Variants in EYA4 observed in about 807,000 individuals in gnomAD.
The protein encoded by EYA4 is protein phosphatase EYA4.
Under a neutral mutation model 87.9 loss-of-function variants are expected in EYA4, and 31 were observed. The observed-to-expected ratio is 0.35, with a 90% CI of 0.27 to 0.48. The LOEUF is 0.48. Among genes scored for constraint, EYA4 ranks in the 20% least tolerant of loss-of-function variants. The pLI is 0.99. For missense variants in EYA4, 678 were observed against 761.4 expected (o/e 0.89, Z 1.29); for synonymous variants, 263 against 270.6 (o/e 0.97, Z 0.28).
intron 5 of EYA4, among the ~76,000 whole-genome samples, chr6:133,449,142 C>G (rs1173824908): frequency 1.3e-5 from 2 of 152,136 alleles, no homozygotes; most frequent in African/African-American, 4.8e-5. Context: ...GTCTTTTTCT[C>G]TAAAGGGCCA....
chr6:133,245,917 G>T (rs926891602), intron 1 of EYA4, among the ~76,000 whole-genome samples: 1 of 152,068 alleles, frequency 6.6e-6, no homozygotes, highest in African/African-American at 2.4e-5. Context: ...GTCATTTTAC[G>T]CTTGAAATTT....
intron 2 of EYA4, among the ~76,000 whole-genome samples, chr6:133,374,213 A>G (rs187628043): frequency 7.9e-5 from 12 of 152,184 alleles, no homozygotes; most frequent in Admixed American, 7.9e-4. Flanking sequence ...AATATATTCA[A>G]CCTTGCTATG....
At position 133,439,972 on chromosome 6, in the gene EYA4, T is replaced by C. The variant is rs367950321; in HGVS notation, c.84-6658T>C. Among the ~76,000 whole-genome samples, 3 of 152,218 alleles carry C rather than the reference T, an allele frequency of 2.0e-5. No homozygotes were observed. In the East Asian group the frequency reaches 5.8e-4, roughly 29 times the overall value. ...TTTTGAATGTGCAGGGTTTGGACGA[T>C]ACACTTTTTACTGCACAAGGGCTAA... is the stretch of plus-strand genomic sequence containing the variant. On this transcript the variant is annotated intron_variant, in intron 3 of 19. Transcript: ENST00000355286.
intron 1 of EYA4, chr6:133,248,654 A>G (rs761687499): frequency 6.6e-6 from 1 of 152,224 alleles, no homozygotes; most frequent in Non-Finnish European, 1.5e-5. Flanking sequence ...TCTCTACATT[A>G]CCTAATTCTT....
At chr6:133,445,591 T>TC (rs1033466540) in intron 3 of EYA4, among the ~76,000 whole-genome samples, 1 of 151,232 alleles carries the variant, frequency 6.6e-6, no homozygotes, top group Non-Finnish European at 1.5e-5. Context: ...TTTTTTTTTT[T>TC]CTTTTGAAAC....
chr6:133,251,365 A>G (rs1036797814), intron 1 of EYA4, among the ~76,000 whole-genome samples: 12 of 152,304 alleles, frequency 7.9e-5, no homozygotes, highest in East Asian at 1.9e-4. Flanking sequence ...ACATATTGCT[A>G]TGATTCTTAC....
chr6:133,267,538 A>G (rs958079653), intron 1 of EYA4, among the ~76,000 whole-genome samples: 1 of 151,980 alleles, frequency 6.6e-6, no homozygotes, highest in Non-Finnish European at 1.5e-5. Context: ...GCCCGCCACC[A>G]TGCCCGGCTA....
chr6:133,315,026 C>A (rs1485837003), intron 2 of EYA4, among the ~76,000 whole-genome samples: 2 of 152,112 alleles, frequency 1.3e-5, no homozygotes, highest in Non-Finnish European at 2.9e-5. Flanking sequence ...TGTTGCGTCT[C>A]CCCAGCTACC....
chr6:133,286,329 G>A (rs1213856450), intron 2 of EYA4, among the ~76,000 whole-genome samples: 1 of 152,170 alleles, frequency 6.6e-6, no homozygotes, highest in African/African-American at 2.4e-5. Context: ...TGGGAACTCA[G>A]GGAAATGAGT....
At chr6:133,269,126 G>T (rs1373561287) in intron 1 of EYA4, among the ~76,000 whole-genome samples, 1 of 152,140 alleles carries the variant, frequency 6.6e-6, no homozygotes, top group Non-Finnish European at 1.5e-5. Flanking sequence ...AGGCGTGGTG[G>T]CACGCTCCTG....
chr6:133,482,758 G>GTATC (rs1201681739), intron 12 of EYA4, among the ~76,000 whole-genome samples: 2 of 152,098 alleles, frequency 1.3e-5, no homozygotes, highest in African/African-American at 4.8e-5. Flanking sequence ...AAGTCTGAAT[G>GTATC]TATCTCTTTT....
intron 5 of EYA4, among the ~76,000 whole-genome samples, chr6:133,449,738 T>C (rs1444680054): frequency 6.6e-6 from 1 of 152,220 alleles, no homozygotes; most frequent in African/African-American, 2.4e-5. Flanking sequence ...ATAAATTGCT[T>C]AACAATAAAT....
At chr6:133,373,548 A>G (rs1785441822) in intron 2 of EYA4, among the ~76,000 whole-genome samples, 1 of 152,088 alleles carries the variant, frequency 6.6e-6, no homozygotes, top group African/African-American at 2.4e-5. Flanking sequence ...CACAGTAGTC[A>G]GCAATTTTAA....
At chr6:133,499,000 G>A (rs567616456) in intron 13 of EYA4, among the ~76,000 whole-genome samples, 3 of 152,320 alleles carry the variant, frequency 2.0e-5, no homozygotes, top group Admixed American at 2.0e-4. Flanking sequence ...AAAGGGGAAA[G>A]ATCTTGAAAG....
At chr6:133,414,714 C>G (rs79538173) in intron 3 of EYA4, among the ~76,000 whole-genome samples, 1 of 152,192 alleles carries the variant, frequency 6.6e-6, no homozygotes, top group African/African-American at 2.4e-5. Context: ...CCAGGGAGCA[C>G]TGTCTCATGC....
At chr6:133,525,348 G>T in intron 19 of EYA4, 94 bp downstream of exon 19, 6 of 978,222 alleles carry the variant, frequency 6.1e-6, no homozygotes, top group Non-Finnish European at 9.8e-6. Context: ...CTTGACAAAT[G>T]ATTTAAATTT....
chr6:133,257,041 A>C (rs1368389751), intron 1 of EYA4, among the ~76,000 whole-genome samples: 1 of 152,116 alleles, frequency 6.6e-6, no homozygotes, highest in Non-Finnish European at 1.5e-5. Flanking sequence ...TACTATGGGG[A>C]AGCTGCTTTG....
intron 3 of EYA4, among the ~76,000 whole-genome samples, chr6:133,420,675 T>G (rs1474182451): frequency 6.6e-6 from 1 of 152,232 alleles, no homozygotes; most frequent in Non-Finnish European, 1.5e-5. Context: ...CTTGACCAAC[T>G]TTAACACTTG....
chr6:133,341,731 A>G (rs996000912), intron 2 of EYA4, among the ~76,000 whole-genome samples: 5 of 152,132 alleles, frequency 3.3e-5, no homozygotes, highest in Admixed American at 6.5e-5. Flanking sequence ...AGGACAAACA[A>G]TCTCCACTGT....
Sources: gnomAD v4.1 joint callset for allele counts (sites outside exome capture counted in the v4.1 genomes callset) on GRCh38, gnomAD v4.1.1 for gene constraint, MANE v1.5 for transcripts, NCBI Gene and HGNC (gene_info 2026-07-23, HGNC 2026-07-21) for gene names.